The following SCOC variants were observed in gnomAD, a reference collection of about 807,000 sequenced individuals.
The protein encoded by SCOC is short coiled coil protein.
Under a neutral mutation model 9.9 loss-of-function variants are expected in SCOC, and 7 were observed. The observed-to-expected ratio is 0.71, with a 90% CI of 0.40 to 1.33. SCOC has a LOEUF of 1.33. SCOC is among the 40% of genes most tolerant of loss of function. The probability of loss-of-function intolerance (pLI) is 0.01; values close to 1 mark genes in which losing one functional copy is unlikely to be tolerated. For synonymous variants in SCOC, 19 were observed against 28.2 expected, an observed-to-expected ratio of 0.67 and a Z score of 1.03; for missense variants, 66 against 89.7, an observed-to-expected ratio of 0.74 and a Z score of 1.07.
intron 1 of SCOC, among the ~76,000 whole-genome samples, chr4:140,294,060 A>G (rs183230068): frequency 5.6e-4 from 86 of 152,338 alleles, no homozygotes; most frequent in Non-Finnish European, 1.0e-3. Context: ...AACAAAATAC[A>G]GAGACACTTG....
chr4:140,270,217 A>G (rs1414718272), intron 1 of SCOC, among the ~76,000 whole-genome samples: 1 of 152,206 alleles, frequency 6.6e-6, no homozygotes, highest in Non-Finnish European at 1.5e-5. Flanking sequence ...AATAATAATT[A>G]TGGGATACCA....
At chr4:140,366,175 CTTTCTTTCTTTT>C (rs1377518553) in intron 2 of SCOC, 21 of 453,638 alleles carry the variant, frequency 4.6e-5, no homozygotes, top group South Asian at 1.4e-4. Flanking sequence ...GCCTCCTTTT[CTTTCTTTCTTTT>C]TTTTTTTTTT....
At chr4:140,313,999 C>T (rs1272017423) in intron 1 of SCOC, among the ~76,000 whole-genome samples, 1 of 151,676 alleles carries the variant, frequency 6.6e-6, no homozygotes, top group Non-Finnish European at 1.5e-5. Flanking sequence ...TGTGGTGGCA[C>T]TCGCCTGTAG....
At chr4:140,337,206 A>C (rs1732982603) in intron 1 of SCOC, among the ~76,000 whole-genome samples, 1 of 152,162 alleles carries the variant, frequency 6.6e-6, no homozygotes, top group South Asian at 2.1e-4. Flanking sequence ...CACATTCTCG[A>C]TAATGTCTTT....
Position 140,381,200 on chromosome 4 carries a change from A to T in SCOC, c.*96A>T. On this transcript the variant is annotated 3_prime_UTR_variant, in exon 4 of 4. Coordinates refer to ENST00000608372, the MANE Select transcript of SCOC (RefSeq NM_001153484.2). The stretch of plus-strand genomic sequence containing the variant: ...AAAGTTACAGTACCTTTGTGGCTTC[A>T]TTGAATATTTATGAAGATAATGTCA... 8.3e-7 allele frequency: 1 copy of T among 1,205,822 alleles called. No individual in the cohort carries two copies. 74.7% of individuals were successfully genotyped at this position (1,205,822 alleles called of 1,614,324 possible).
intron 1 of SCOC, among the ~76,000 whole-genome samples, chr4:140,375,268 G>C (rs1186273859): frequency 2.0e-5 from 3 of 152,186 alleles, no homozygotes; most frequent in African/African-American, 7.2e-5. Context: ...AGAGCTAAAA[G>C]GTAGAGAAGA....
At chr4:140,340,707 C>A (rs755392579), upstream of SCOC, among the ~76,000 whole-genome samples, 12 of 150,660 alleles carry the variant, frequency 8.0e-5, no homozygotes, top group Non-Finnish European at 1.6e-4. Context: ...TAATTCTCTA[C>A]CTCAGTTAAA....
At chr4:140,323,301 C>T (rs757338030) in intron 1 of SCOC, among the ~76,000 whole-genome samples, 11 of 152,134 alleles carry the variant, frequency 7.2e-5, no homozygotes, top group Non-Finnish European at 1.2e-4. Flanking sequence ...TCACCTTCCA[C>T]CATGAGTAAA....
chr4:140,300,377 C>A (rs555086923), intron 1 of SCOC, among the ~76,000 whole-genome samples: 2 of 152,208 alleles, frequency 1.3e-5, no homozygotes, highest in South Asian at 4.1e-4. Context: ...CACTCACGGG[C>A]AGCCTTACAG....
chr4:140,361,874 T>C (rs757023020), intron 2 of SCOC, among the ~76,000 whole-genome samples: 1 of 152,150 alleles, frequency 6.6e-6, no homozygotes, highest in Non-Finnish European at 1.5e-5. Flanking sequence ...ATGCGCTTCA[T>C]GTAGTACAAA....
At chr4:140,272,831 G>A (rs1182996910) in intron 1 of SCOC, among the ~76,000 whole-genome samples, 2 of 152,158 alleles carry the variant, frequency 1.3e-5, no homozygotes, top group Admixed American at 6.5e-5. Context: ...GCGGGGAGGG[G>A]AAGGCTCCGG....
upstream of SCOC, chr4:140,373,204 C>T (rs1728135683): frequency 3.1e-6 from 3 of 981,454 alleles, no homozygotes; most frequent in Non-Finnish European, 3.8e-6. Flanking sequence ...ACTTTCTCTG[C>T]TTGGTTCGCA....
intron 1 of SCOC, among the ~76,000 whole-genome samples, chr4:140,307,420 G>C (rs1293914284): frequency 6.6e-6 from 1 of 152,164 alleles, no homozygotes; most frequent in African/African-American, 2.4e-5. Context: ...TGAAGAATCA[G>C]CAATCACTTG....
chr4:140,375,410 A>T (rs1444928713), intron 1 of SCOC, among the ~76,000 whole-genome samples: 1 of 152,248 alleles, frequency 6.6e-6, no homozygotes, highest in African/African-American at 2.4e-5. Context: ...AAATGAGGAA[A>T]CTTAAGGCCG....
At chr4:140,350,456 G>A (rs1162123448) in intron 2 of SCOC, among the ~76,000 whole-genome samples, 1 of 152,142 alleles carries the variant, frequency 6.6e-6, no homozygotes, top group Non-Finnish European at 1.5e-5. Flanking sequence ...TGACTCCTAG[G>A]GTTGGTTTTC....
chr4:140,362,495 A>G (rs1200586174), intron 2 of SCOC, among the ~76,000 whole-genome samples: 1 of 150,160 alleles, frequency 6.7e-6, no homozygotes, highest in Non-Finnish European at 1.5e-5. Context: ...GGGTTTCACT[A>G]TATTGGCCAA....
At chr4:140,309,458 A>G (rs1303764786) in intron 1 of SCOC, among the ~76,000 whole-genome samples, 1 of 152,136 alleles carries the variant, frequency 6.6e-6, no homozygotes, top group Non-Finnish European at 1.5e-5. Flanking sequence ...GCCCCCTTCT[A>G]ACATAGCCTT....
intron 1 of SCOC, among the ~76,000 whole-genome samples, chr4:140,295,608 G>T (rs1471094539): frequency 6.6e-6 from 1 of 152,182 alleles, no homozygotes; most frequent in Non-Finnish European, 1.5e-5. Flanking sequence ...TCCGGCTCAG[G>T]ACAGTTTCTT....
intron 1 of SCOC, among the ~76,000 whole-genome samples, chr4:140,295,302 A>G (rs1382378584): frequency 6.6e-6 from 1 of 152,082 alleles, no homozygotes; most frequent in Non-Finnish European, 1.5e-5. Context: ...AATAACAGAA[A>G]AGGAACCATG....
Sources: allele counts gnomAD v4.1 joint callset (sites outside exome capture counted in the v4.1 genomes callset), GRCh38; gene constraint gnomAD v4.1.1; transcripts MANE v1.5; gene names NCBI Gene and HGNC (gene_info 2026-07-23, HGNC 2026-07-21).